ATP11A: variants seen among roughly 807,000 people sequenced by gnomAD.
ATP11A encodes the protein phospholipid-transporting ATPase IH.
In ATP11A, 81 loss-of-function variants were observed where a neutral mutation model predicts 154.4. The observed-to-expected ratio is 0.52, with a 90% CI of 0.44 to 0.63. The LOEUF is 0.63. ATP11A is among the 30% of genes least tolerant of loss of function. The pLI is 0.00. For synonymous variants in ATP11A, 623 were observed against 585.9 expected (o/e 1.06, Z -0.91); for missense variants, 1,316 against 1,474.3 (o/e 0.89, Z 1.76).
At chr13:112,816,001 C>T (rs1196391025) in intron 5 of ATP11A, 82 bp from the exon 6 acceptor site, 1 of 1,581,720 alleles carries the variant, frequency 6.3e-7, no homozygotes, top group Non-Finnish European at 8.6e-7. Flanking sequence ...AGATGAGCAG[C>T]TTGAGGGAAG....
intron 1 of ATP11A, among the ~76,000 whole-genome samples, chr13:112,740,282 T>G (rs1891422632): frequency 1.3e-5 from 2 of 152,084 alleles, no homozygotes; most frequent in African/African-American, 2.4e-5. Flanking sequence ...GTTCAAGTGA[T>G]TCTCCTGCCT....
intron 17 of ATP11A, among the ~76,000 whole-genome samples, chr13:112,843,462 G>A (rs887879568): frequency 6.6e-6 from 1 of 152,082 alleles, no homozygotes; most frequent in African/African-American, 2.4e-5. Context: ...CTCTCACACC[G>A]ACCTTATCAT....
Position 112,785,245 on chromosome 13 carries a change from C to A in ATP11A, c.150C>A (p.Ile50=). ...YIPQRYPDNR[I]VSSKYTFWNF... is the part of the protein sequence containing the mutation. ...CACAGAGATACCCAGACAACAGGAT[C>A]GTCTCGTCCAAGGTAACTTGGCTTG... The change falls in exon 2 of 30, where the codon ATC becomes ATA. Residue 50 remains isoleucine, a synonymous_variant. Coordinates refer to ENST00000375645, the MANE Select transcript of ATP11A (RefSeq NM_015205.3). This position sits in a 1 kb window ranked among gnomAD's most constrained non-coding sequence, Gnocchi z 4.8. 6.5e-7 allele frequency: 1 copy of A among 1,529,688 alleles called. No homozygotes were observed. Among genetic ancestry groups the A allele is most frequent in the Non-Finnish European group, 8.8e-7 (1 of 1,139,502 alleles). The allele number at this position is 1,529,688 out of a possible 1,614,324, so 94.8% of individuals were successfully genotyped here. A position where few individuals can be genotyped will look rare whatever the true frequency, so the allele number is the denominator to read the frequency against.
intron 28 of ATP11A, among the ~76,000 whole-genome samples, chr13:112,877,961 G>A (rs892020794): frequency 6.6e-6 from 1 of 151,766 alleles, no homozygotes; most frequent in African/African-American, 2.4e-5. Context: ...GAATGCTTAT[G>A]AACAGCTACA....
At chr13:112,700,536 TG>T (rs1466365228) in intron 1 of ATP11A, among the ~76,000 whole-genome samples, 1 of 152,154 alleles carries the variant, frequency 6.6e-6, no homozygotes, top group African/African-American at 2.4e-5. Context: ...CTGAGGGTGG[TG>T]GGTGGGCGCA....
At chr13:112,735,242 GT>G (rs932466704) in intron 1 of ATP11A, among the ~76,000 whole-genome samples, 1 of 152,166 alleles carries the variant, frequency 6.6e-6, no homozygotes, top group Non-Finnish European at 1.5e-5. Context: ...CCATAAACGG[GT>G]TTTGCTAACG....
intron 1 of ATP11A, among the ~76,000 whole-genome samples, chr13:112,783,062 G>A (rs562024791): frequency 1.6e-4 from 25 of 152,342 alleles, no homozygotes; most frequent in Non-Finnish European, 2.9e-4. Context: ...CCTAATAAAA[G>A]AAATTGCAGG....
chr13:112,710,239 C>A (rs1887588984), intron 1 of ATP11A, among the ~76,000 whole-genome samples: 1 of 152,180 alleles, frequency 6.6e-6, no homozygotes, highest in Non-Finnish European at 1.5e-5. Flanking sequence ...GCCTTGGGGG[C>A]CCTTTGGAAA....
intron 7 of ATP11A, 97 bp from the exon 8 acceptor site, chr13:112,819,803 G>A: frequency 6.9e-6 from 9 of 1,309,626 alleles, no homozygotes; most frequent in Non-Finnish European, 9.9e-6. Flanking sequence ...CGGGCCAGGT[G>A]AAGACGTGTG....
Position 112,831,412 on chromosome 13 carries a change from C to A in ATP11A, c.1259C>A (p.Thr420Lys), listed in dbSNP as rs771443734. 6.2e-7 allele frequency: 1 copy of A among 1,614,146 alleles called. No individual in the cohort carries two copies. The highest frequency in any genetic ancestry group is 8.5e-7 in the Non-Finnish European group (1 of 1,179,998). The change falls in exon 13 of 30, where the codon ACG (threonine) becomes AAG (lysine). Residue 420 changes from threonine to lysine, a missense_variant. This residue lies in a region of ATP11A where 876 missense variants were observed against 1,006.8 expected (regional missense o/e 0.87). Transcript: ENST00000375645. ...TTCACAGACAAGACCGGCACCCTCA[C>A]GGAAAACAACATGGAGTTCAAGGAG... The part of the protein sequence containing the change: ...YIFTDKTGTL[T>K]ENNMEFKECC...
chr13:112,884,579 C>A lies in ATP11A; in HGVS notation c.*2713C>A, dbSNP rs1472327752. 1.3e-5 allele frequency: 2 copies of A among 152,252 alleles called. No homozygotes were observed. The highest frequency in any genetic ancestry group is 2.9e-5 in the Non-Finnish European group (2 of 68,056). 9.4% of individuals were successfully genotyped at this position (152,252 alleles called of 1,614,324 possible). ...GCAGGGTCTTCATGCAATTTTCCAC[C>A]TCGCAGTAGTTAGTATTTACTTGCC... On this transcript the variant is annotated 3_prime_UTR_variant, in exon 30 of 30. Coordinates refer to ENST00000375645, the MANE Select transcript of ATP11A (RefSeq NM_015205.3).
At chr13:112,820,519 A>C (rs980024551) in intron 8 of ATP11A, among the ~76,000 whole-genome samples, 1 of 152,146 alleles carries the variant, frequency 6.6e-6, no homozygotes, top group African/African-American at 2.4e-5. Flanking sequence ...CGGCAGTCAC[A>C]TCGCATACCC....
At chr13:112,705,348 G>T (rs1887017605) in intron 1 of ATP11A, among the ~76,000 whole-genome samples, 1 of 152,232 alleles carries the variant, frequency 6.6e-6, no homozygotes, top group African/African-American at 2.4e-5. Flanking sequence ...ATTCTCGTAG[G>T]GGAGGGTGTG....
At chr13:112,858,312 C>A (rs1566580945) in intron 22 of ATP11A, 22 bp downstream of exon 22, 5 of 1,598,924 alleles carry the variant, frequency 3.1e-6, no homozygotes, top group African/African-American at 1.3e-5. Flanking sequence ...GCCGCTCCCC[C>A]TCACGGTGTT....
intron 1 of ATP11A, among the ~76,000 whole-genome samples, chr13:112,728,275 G>A (rs1230337491): frequency 6.6e-6 from 1 of 152,138 alleles, no homozygotes; most frequent in Non-Finnish European, 1.5e-5. Context: ...TGTGTTACCT[G>A]TATGTACCAC....
intron 1 of ATP11A, among the ~76,000 whole-genome samples, chr13:112,782,843 T>C (rs1442530282): frequency 6.6e-6 from 1 of 152,202 alleles, no homozygotes; most frequent in African/African-American, 2.4e-5. Flanking sequence ...TGAGGAAAAC[T>C]GCGTCTGGCT....
chr13:112,771,454 C>A (rs2077223824), intron 1 of ATP11A, among the ~76,000 whole-genome samples: 3 of 152,196 alleles, frequency 2.0e-5, no homozygotes, highest in Non-Finnish European at 2.9e-5. Context: ...GAGGACACAG[C>A]TGCATGGTGC....
intron 12 of ATP11A, 48 bp downstream of exon 12, chr13:112,826,939 A>G: frequency 6.3e-6 from 10 of 1,597,546 alleles, no homozygotes; most frequent in Non-Finnish European, 8.6e-6. Flanking sequence ...CATCTGGGTG[A>G]GTCTGCTTCA....
At chr13:112,710,873 G>A (rs971924569) in intron 1 of ATP11A, among the ~76,000 whole-genome samples, 1 of 152,220 alleles carries the variant, frequency 6.6e-6, no homozygotes, top group African/African-American at 2.4e-5. Context: ...GGCTCCCTGG[G>A]GCTCTCCCAG....
Sources: allele counts gnomAD v4.1 joint callset (sites outside exome capture counted in the v4.1 genomes callset), GRCh38; gene constraint gnomAD v4.1.1; regional missense constraint gnomAD v4.1.1; non-coding constraint Gnocchi (gnomAD v3.1); transcripts MANE v1.5; gene names NCBI Gene and HGNC (gene_info 2026-07-23, HGNC 2026-07-21).